Variants in ENOX1 observed in about 807,000 individuals in gnomAD.
ENOX1 encodes the protein ecto-NOX disulfide-thiol exchanger 1, also known as candidate growth-related and time keeping constitutive hydroquinone (NADH) oxidase.
Under a neutral mutation model 82.5 loss-of-function variants are expected in ENOX1, and 42 were observed. The ratio of observed to expected loss-of-function variants is 0.51; its 90% CI spans 0.40 to 0.66. The LOEUF is 0.66. Among genes scored for constraint, ENOX1 ranks in the 30% least tolerant of loss-of-function variants. ENOX1 has a pLI of 0.00. For missense variants in ENOX1, 608 were observed against 811.6 expected, an observed-to-expected ratio of 0.75 and a Z score of 3.05; for synonymous variants, 271 against 282.2, an observed-to-expected ratio of 0.96 and a Z score of 0.40.
intron 2 of ENOX1, among the ~76,000 whole-genome samples, chr13:43,594,640 G>C (rs551803759): frequency 1.3e-5 from 2 of 152,300 alleles, no homozygotes; most frequent in East Asian, 3.9e-4. Flanking sequence ...CCCTGGGAAA[G>C]AGGTATTATT....
At chr13:43,767,931 G>C (rs1046825873) in intron 1 of ENOX1, among the ~76,000 whole-genome samples, 10 of 152,230 alleles carry the variant, frequency 6.6e-5, no homozygotes, top group African/African-American at 2.4e-4. Flanking sequence ...TAGAGATGAG[G>C]AGGAGGGAGA....
Position 43,412,831 on chromosome 13 carries a change from C to T in ENOX1, c.70+14G>A, listed in dbSNP as rs753073759. 6.2e-7 allele frequency: 1 copy of T among 1,613,948 alleles called. No individual in the cohort carries two copies. The highest frequency in any genetic ancestry group is 8.5e-7 in the Non-Finnish European group (1 of 1,179,970). On this transcript the variant is annotated intron_variant, in intron 4 of 16. Coordinates refer to ENST00000690772, the MANE Select transcript of ENOX1 (RefSeq NM_001347969.2). ...AATCCTTGTTTGTGTCCTGTGCTGGCCACTGGCATTTACCTGCAGCCATCA... is the reference window on the plus strand; with the variant it reads ...AATCCTTGTTTGTGTCCTGTGCTGGTCACTGGCATTTACCTGCAGCCATCA...
intron 3 of ENOX1, among the ~76,000 whole-genome samples, chr13:43,419,645 G>A (rs1370235820): frequency 2.0e-5 from 3 of 152,158 alleles, no homozygotes; most frequent in African/African-American, 4.8e-5. Context: ...AATAATTGTG[G>A]TGAAAGAATC....
At chr13:43,535,660 A>G (rs1180015200) in intron 2 of ENOX1, among the ~76,000 whole-genome samples, 1 of 152,184 alleles carries the variant, frequency 6.6e-6, no homozygotes, top group Non-Finnish European at 1.5e-5. Context: ...CGGTCAGCAC[A>G]TATCATCAGG....
intron 1 of ENOX1, among the ~76,000 whole-genome samples, chr13:43,776,167 T>C (rs1293096682): frequency 6.6e-6 from 1 of 152,086 alleles, no homozygotes; most frequent in East Asian, 1.9e-4. Flanking sequence ...ATAAGACCAA[T>C]ATGTTAGTAT....
chr13:43,380,779 G>A (rs1246154521), intron 5 of ENOX1, among the ~76,000 whole-genome samples: 2 of 151,750 alleles, frequency 1.3e-5, no homozygotes, highest in South Asian at 4.2e-4. Context: ...TAGGAAAAGT[G>A]AATTTCAGAT....
At chr13:43,231,371 A>T (rs1026170979) in intron 15 of ENOX1, among the ~76,000 whole-genome samples, 2 of 152,224 alleles carry the variant, frequency 1.3e-5, no homozygotes, top group East Asian at 3.8e-4. Context: ...GAGAAACTGT[A>T]GGAAACCGAT....
In ENOX1 at chr13:43,470,376, ACATATATATACGTATATATATG is replaced by A. The variant is rs1566308163; in HGVS notation, c.-75+13611_-75+13632del. Among the ~76,000 whole-genome samples the A allele has an allele frequency of 5.5e-3, 253 of 46,160 alleles. 13 individuals are homozygous for A. Among genetic ancestry groups the A allele is most frequent in the African/African-American group, 0.018 (233 of 12,616 alleles). 30.3% of individuals were successfully genotyped at this position (46,160 alleles called of 152,430 possible). A position where few individuals can be genotyped will look rare whatever the true frequency, so the allele number is the denominator to read the frequency against. ...TATGTATATATATACGTATATATAT[ACATATATATACGTATATATATG>A]TGTATATATATATATATATAACAGA... On this transcript the variant is annotated intron_variant, in intron 3 of 16. Transcript: ENST00000690772.
At chr13:43,313,492 T>G (rs2047322461) in intron 11 of ENOX1, among the ~76,000 whole-genome samples, 1 of 152,200 alleles carries the variant, frequency 6.6e-6, no homozygotes, top group East Asian at 1.9e-4. Flanking sequence ...CAACATGGAT[T>G]TTTTCATAGA....
At chr13:43,351,708 A>T (rs1374033943) in intron 8 of ENOX1, among the ~76,000 whole-genome samples, 4 of 150,514 alleles carry the variant, frequency 2.7e-5, no homozygotes, top group Non-Finnish European at 4.4e-5. Flanking sequence ...TAGTTTACTG[A>T]GAATGATGAT....
intron 1 of ENOX1, among the ~76,000 whole-genome samples, chr13:43,669,741 G>A (rs116039622): frequency 6.6e-4 from 101 of 152,090 alleles, no homozygotes; most frequent in African/African-American, 2.4e-3. Flanking sequence ...AAAATTGCTC[G>A]ACTCCTAGAC....
chr13:43,504,579 G>C (rs1593526097), intron 2 of ENOX1, among the ~76,000 whole-genome samples: 1 of 151,642 alleles, frequency 6.6e-6, no homozygotes, highest in Admixed American at 6.6e-5. Flanking sequence ...AAGGAAAAAT[G>C]CTACATGATA....
chr13:43,492,750 C>T (rs9594956), intron 2 of ENOX1, among the ~76,000 whole-genome samples: 31,212 of 152,140 alleles, frequency 0.21, 3,693 homozygotes, highest in Middle Eastern at 0.28. Flanking sequence ...TTGTTTCTTA[C>T]TCAAACTCTT....
intron 5 of ENOX1, among the ~76,000 whole-genome samples, chr13:43,373,947 A>C (rs2153569729): frequency 6.6e-6 from 1 of 152,288 alleles, no homozygotes; most frequent in Non-Finnish European, 1.5e-5. Context: ...TTGATCCCTC[A>C]ACATTAGAAA....
Position 43,342,647 on chromosome 13 carries a change from A to G in ENOX1, c.1036+1891T>C, listed in dbSNP as rs757829859. Among the ~76,000 whole-genome samples, 36 of 152,220 alleles carry G rather than the reference A, an allele frequency of 2.4e-4. 1 individual carries two copies. The highest frequency in any genetic ancestry group is 4.7e-4 in the Non-Finnish European group (32 of 68,006). ...CACCCACTCCCTTGTTTAGGCATCC[A>G]AAGTGTAGCCTCCAGGTAATGTGGC... On this transcript the variant is annotated intron_variant, in intron 9 of 16. Coordinates refer to ENST00000690772, the MANE Select transcript of ENOX1 (RefSeq NM_001347969.2).
At chr13:43,536,926 C>A (rs568808356) in intron 2 of ENOX1, among the ~76,000 whole-genome samples, 7 of 152,212 alleles carry the variant, frequency 4.6e-5, no homozygotes, top group Admixed American at 1.3e-4. Context: ...ACATAAAAAA[C>A]CAAGGAGCTT....
intron 2 of ENOX1, among the ~76,000 whole-genome samples, chr13:43,554,905 C>A (rs999030135): frequency 6.6e-6 from 1 of 152,024 alleles, no homozygotes; most frequent in African/African-American, 2.4e-5. Context: ...GACCCCTAGC[C>A]CAATATTCTC....
chr13:43,246,140 A>G (rs2043069558), intron 14 of ENOX1, among the ~76,000 whole-genome samples: 1 of 152,210 alleles, frequency 6.6e-6, no homozygotes, highest in Non-Finnish European at 1.5e-5. Context: ...GCACTTGACA[A>G]ATATAAACTC....
chr13:43,428,849 C>T (rs1594545851), intron 3 of ENOX1, among the ~76,000 whole-genome samples: 1 of 152,238 alleles, frequency 6.6e-6, no homozygotes, highest in South Asian at 2.1e-4. Flanking sequence ...AACCAGAAAA[C>T]CCAACTTCTA....
Sources: allele counts gnomAD v4.1 joint callset (sites outside exome capture counted in the v4.1 genomes callset), GRCh38; gene constraint gnomAD v4.1.1; transcripts MANE v1.5; gene names NCBI Gene and HGNC (gene_info 2026-07-23, HGNC 2026-07-21).